Variants in ADAMTS2 observed in about 807,000 individuals in gnomAD.
The protein encoded by ADAMTS2 is A disintegrin and metalloproteinase with thrombospondin motifs 2.
ADAMTS2 carries 50 observed loss-of-function variants against 123.0 expected under a neutral mutation model. The observed-to-expected ratio is 0.41, with a 90% CI of 0.32 to 0.51. The LOEUF (loss-of-function observed/expected upper bound fraction) is 0.51. Ranked by LOEUF, ADAMTS2 falls within the 20% of genes least tolerant of loss-of-function variation. The pLI, the probability that ADAMTS2 is intolerant of heterozygous loss-of-function variation, is 0.35. For missense variants in ADAMTS2, 1,494 were observed against 1,705.2 expected, an observed-to-expected ratio of 0.88 and a Z score of 2.18; for synonymous variants, 678 against 695.4, an observed-to-expected ratio of 0.98 and a Z score of 0.39.
At chr5:179,253,812 G>A (rs1011033340) in intron 3 of ADAMTS2, among the ~76,000 whole-genome samples, 5 of 152,126 alleles carry the variant, frequency 3.3e-5, no homozygotes, top group African/African-American at 1.2e-4. Context: ...CCTCTCCTGA[G>A]AGGTGACACG....
intron 3 of ADAMTS2, among the ~76,000 whole-genome samples, chr5:179,219,047 G>A (rs925564724): frequency 1.3e-5 from 2 of 152,092 alleles, no homozygotes; most frequent in Non-Finnish European, 1.5e-5. Flanking sequence ...CACCCCATAT[G>A]GCTCATGGGG....
chr5:179,243,450 G>A (rs904679723), intron 3 of ADAMTS2, among the ~76,000 whole-genome samples: 1 of 152,112 alleles, frequency 6.6e-6, no homozygotes, highest in African/African-American at 2.4e-5. Context: ...CCCTGCACAC[G>A]CTCAAGGCTG....
intron 3 of ADAMTS2, among the ~76,000 whole-genome samples, chr5:179,271,922 C>T (rs1412147735): frequency 1.3e-5 from 2 of 152,192 alleles, no homozygotes; most frequent in East Asian, 3.8e-4. Context: ...CTGGCCCAGC[C>T]CAGGCCCCTG....
Position 179,188,707 on chromosome 5 carries a change from C to A in ADAMTS2, c.892-7552G>T, listed in dbSNP as rs1182896102. 7.2e-5 allele frequency among the ~76,000 whole-genome samples: 11 copies of A among 152,110 alleles called. No individual in the cohort carries two copies. The highest frequency in any genetic ancestry group is 7.2e-4 in the Admixed American group (11 of 15,282). On this transcript the variant is annotated intron_variant, in intron 4 of 21. Coordinates refer to ENST00000251582, the MANE Select transcript of ADAMTS2 (RefSeq NM_014244.5). This position sits in a 1 kb window ranked among gnomAD's most constrained non-coding sequence, Gnocchi z 5.1. The stretch of plus-strand genomic sequence containing the variant: ...CAATACCCAGCGCAGGAACACTCTG[C>A]CCAAGGCCACCCCCTCACTCCTCAG...
intron 2 of ADAMTS2, among the ~76,000 whole-genome samples, chr5:179,322,972 G>C (rs1003225931): frequency 1.3e-5 from 2 of 152,236 alleles, no homozygotes; most frequent in Admixed American, 6.5e-5. Flanking sequence ...GGTGCGTGAG[G>C]ACTGGATCCT....
chr5:179,329,519 G>A lies in ADAMTS2; in HGVS notation c.534+14248C>T, dbSNP rs1460521499. Among the ~76,000 whole-genome samples, 8 of 152,122 alleles carry A rather than the reference G, an allele frequency of 5.3e-5. No individual in the cohort carries two copies. In the East Asian group the frequency reaches 1.5e-3, roughly 29 times the overall value. On this transcript the variant is annotated intron_variant, in intron 2 of 21. Transcript: ENST00000251582. ...ACACTTAAAACCAACACCTTATACAGTATAAGAAACACATTTCACTTGAAT... is the reference window on the plus strand; with the variant it reads ...ACACTTAAAACCAACACCTTATACAATATAAGAAACACATTTCACTTGAAT...
rs1008588572 is a variant in ADAMTS2, at chr5:179,256,625, G to A, written c.688+16286C>T. On this transcript the variant is annotated intron_variant, in intron 3 of 21. Transcript: ENST00000251582. This position sits in a 1 kb window ranked among gnomAD's most constrained non-coding sequence, Gnocchi z 4.1. ...TCACACTCCACTGCAAACCAGGCAG[G>A]CGGGGCCAGCATGAGTGGGGGGGCC... Among the ~76,000 whole-genome samples, 1 of 152,186 alleles carries A rather than the reference G, an allele frequency of 6.6e-6. No individual in the cohort carries two copies. Among genetic ancestry groups the A allele is most frequent in the African/African-American group, 2.4e-5 (1 of 41,428 alleles).
chr5:179,292,748 A>G (rs1756223751), intron 2 of ADAMTS2, among the ~76,000 whole-genome samples: 1 of 151,970 alleles, frequency 6.6e-6, no homozygotes, highest in African/African-American at 2.4e-5. Flanking sequence ...TCTGAGAGAG[A>G]AGCCCATTGT....
intron 3 of ADAMTS2, among the ~76,000 whole-genome samples, chr5:179,266,016 G>C (rs1049879436): frequency 6.6e-6 from 1 of 152,230 alleles, no homozygotes; most frequent in Non-Finnish European, 1.5e-5. Flanking sequence ...GGGTATGAGA[G>C]AGAGCACCTA....
Position 179,113,320 on chromosome 5 carries a change from C to T in ADAMTS2, c.*547G>A. 6.0e-6 allele frequency: 1 copy of T among 166,926 alleles called. No individual in the cohort carries two copies. The highest frequency in any genetic ancestry group is 1.5e-4 in the South Asian group (1 of 6,646). 10.3% of individuals were successfully genotyped at this position (166,926 alleles called of 1,614,324 possible). A position where few individuals can be genotyped will look rare whatever the true frequency, so the allele number is the denominator to read the frequency against. ...CAGGTGGGTGTGGCTGTCAGGGCGG[C>T]CATGGTCCCCAGCGGGCCACTACGC... On this transcript the variant is annotated 3_prime_UTR_variant, in exon 22 of 22. Coordinates refer to ENST00000251582, the MANE Select transcript of ADAMTS2 (RefSeq NM_014244.5).
rs2113218754 is a variant in ADAMTS2 at position 179,137,898 on chromosome 5, G to A, written c.1822C>T (p.Gln608Ter). ...RTCSGLAYDF[Q>*]LCSRQDCPDS... is the part of the protein sequence containing the mutation. ...GGGCAGTCCTGGCGGCTGCAGAGCT[G>A]GAAGTCGTAGGCAAGGCCCGAGCAG... Residue 608 changes from glutamine (Q) to a stop codon, truncating the protein, a stop_gained, in exon 12 of 22, where the codon CAG becomes TAG. Transcript: ENST00000251582. LOFTEE classifies it high-confidence loss of function. 1.9e-6 allele frequency: 3 copies of A among 1,554,156 alleles called. No homozygotes were observed. Among genetic ancestry groups the A allele is most frequent in the Non-Finnish European group, 2.6e-6 (3 of 1,150,388 alleles).
chr5:179,255,243 T>C (rs757960613), intron 3 of ADAMTS2, among the ~76,000 whole-genome samples: 3 of 152,114 alleles, frequency 2.0e-5, no homozygotes, highest in Non-Finnish European at 2.9e-5. Flanking sequence ...AATGATTGGA[T>C]AGATGGATGA....
At chr5:179,125,254 G>A in intron 18 of ADAMTS2, 74 bp from the exon 19 acceptor site, 7 of 1,381,828 alleles carry the variant, frequency 5.1e-6, no homozygotes, top group African/African-American at 2.8e-5. Context: ...CTCCAGCGCC[G>A]CTCCCTGCAG....
intron 5 of ADAMTS2, among the ~76,000 whole-genome samples, chr5:179,168,898 T>G (rs1335066551): frequency 4.6e-5 from 7 of 152,184 alleles, no homozygotes. Context: ...GTGCACCTCA[T>G]TTCTCTGCCA....
intron 2 of ADAMTS2, among the ~76,000 whole-genome samples, chr5:179,280,358 C>T (rs1766856544): frequency 6.6e-6 from 1 of 152,170 alleles, no homozygotes; most frequent in South Asian, 2.1e-4. Context: ...GCCCTGGTTT[C>T]CAATGCGGTC....
chr5:179,241,555 T>C (rs1475414335), intron 3 of ADAMTS2, among the ~76,000 whole-genome samples: 1 of 152,246 alleles, frequency 6.6e-6, no homozygotes, highest in Non-Finnish European at 1.5e-5. Flanking sequence ...ACATGAAAAT[T>C]GCCATGTCAA....
chr5:179,204,175 G>A (rs566195656), intron 4 of ADAMTS2, among the ~76,000 whole-genome samples: 1 of 152,290 alleles, frequency 6.6e-6, no homozygotes, highest in South Asian at 2.1e-4. Context: ...GGAGTGGTGG[G>A]TGCCAGGAGT....
chr5:179,298,204 C>T (rs575430986), intron 2 of ADAMTS2, among the ~76,000 whole-genome samples: 9 of 151,244 alleles, frequency 6.0e-5, no homozygotes, highest in Admixed American at 4.0e-4. Context: ...AGAAATTCCC[C>T]GAGGCTCGGG....
intron 2 of ADAMTS2, among the ~76,000 whole-genome samples, chr5:179,330,548 T>C (rs1757454627): frequency 6.6e-6 from 1 of 152,254 alleles, no homozygotes; most frequent in South Asian, 2.1e-4. Context: ...GCAGCAACTC[T>C]GGCAACCTGA....
Sources: gnomAD v4.1 joint callset for allele counts (sites outside exome capture counted in the v4.1 genomes callset) on GRCh38, gnomAD v4.1.1 for gene constraint, Gnocchi (gnomAD v3.1) non-coding constraint, MANE v1.5 for transcripts, NCBI Gene and HGNC (gene_info 2026-07-23, HGNC 2026-07-21) for gene names.